Variants in PDE6B observed in about 807,000 individuals in gnomAD.
PDE6B encodes the protein rod cGMP-specific 3',5'-cyclic phosphodiesterase subunit beta.
PDE6B carries 106 observed loss-of-function variants against 109.0 expected under a neutral mutation model. The ratio of observed to expected loss-of-function variants is 0.97; its 90% CI spans 0.83 to 1.14. PDE6B has a LOEUF of 1.14. PDE6B is among the 50% of genes most tolerant of loss of function. The pLI is 0.00. For missense variants in PDE6B, 1,193 were observed against 1,155.6 expected (o/e 1.03, Z -0.47); for synonymous variants, 490 against 471.3 (o/e 1.04, Z -0.51).
intron 1 of PDE6B, among the ~76,000 whole-genome samples, chr4:629,355 A>G (rs1391098319): frequency 6.6e-6 from 1 of 152,184 alleles, no homozygotes; most frequent in African/African-American, 2.4e-5. Context: ...GCTGGGATGG[A>G]CGATCCTGGT....
intron 3 of PDE6B, chr4:653,228 C>A (rs1379659187): frequency 9.9e-7 from 1 of 1,009,880 alleles, no homozygotes; most frequent in Non-Finnish European, 1.2e-6. Flanking sequence ...ACCCAGCGGC[C>A]GCCGCGAGTG....
chr4:645,564 G>T (rs1476954552), intron 3 of PDE6B, among the ~76,000 whole-genome samples: 2 of 151,840 alleles, frequency 1.3e-5, no homozygotes, highest in Non-Finnish European at 2.9e-5. Context: ...CAAAGTGCTG[G>T]GATTACAGGC....
At position 660,546 on chromosome 4, in the gene PDE6B, T is replaced by C. The variant is rs1553812554; in HGVS notation, c.1547T>C (p.Leu516Pro). 3 of 1,613,672 alleles carry C rather than the reference T, an allele frequency of 1.9e-6. No individual in the cohort carries two copies. Among genetic ancestry groups the C allele is most frequent in the Non-Finnish European group, 2.5e-6 (3 of 1,179,774 alleles). ...FSDLECTELDLVKCGIQMYYE... is the reference protein window; with the variant it reads ...FSDLECTELDPVKCGIQMYYE... ...GACCTGGAGTGCACCGAACTGGACC[T>C]GGTCAAATGTGGCATCCAGATGTAC... The change falls in exon 12 of 22, where the codon CTG becomes CCG. Residue 516 changes from leucine to proline, a missense_variant. Transcript: ENST00000496514.
intron 1 of PDE6B, among the ~76,000 whole-genome samples, chr4:627,297 C>G (rs1734158907): frequency 6.6e-6 from 1 of 152,148 alleles, no homozygotes; most frequent in Admixed American, 6.5e-5. Flanking sequence ...AGGTGCCCGC[C>G]ACCACACCCG....
rs868238932 is a variant in PDE6B, at chr4:626,299, C to G, written c.468+205C>G. Among the ~76,000 whole-genome samples the G allele has an allele frequency of 6.6e-6, 1 of 152,248 alleles. No homozygotes were observed. The highest frequency in any genetic ancestry group is 2.1e-4 in the South Asian group (1 of 4,832). On this transcript the variant is annotated intron_variant, in intron 1 of 21. Transcript: ENST00000496514. The surrounding 1 kb of genome is among the most constrained non-coding windows in gnomAD (Gnocchi z 4.6). ...TGCCTCTCCGACTCGGCTTCTGGCTCAAGCTGACATCGCATGGCCACTGAG... is the reference window on the plus strand; with the variant it reads ...TGCCTCTCCGACTCGGCTTCTGGCTGAAGCTGACATCGCATGGCCACTGAG...
intron 8 of PDE6B, 92 bp downstream of exon 8, chr4:656,384 T>C: frequency 1.1e-6 from 1 of 909,898 alleles, no homozygotes; most frequent in Non-Finnish European, 1.8e-6. Context: ...TTTTGCCACT[T>C]AAAAAACAAC....
At chr4:643,136 C>G in intron 3 of PDE6B, among the ~76,000 whole-genome samples, 1 of 152,016 alleles carries the variant, frequency 6.6e-6, no homozygotes, top group South Asian at 2.1e-4. Context: ...GGTGAAACCC[C>G]GTCTCTACTA....
In PDE6B at chr4:666,441, A is replaced by C. The variant is rs547039187; in HGVS notation, c.2269-90A>C. Reference sequence around the variant, plus strand: ...CGTCCCAGGCTGTGTCTCCATGAGCACATCTGAGTGAGGGGGTCGGGGGGC... The same window carrying C: ...CGTCCCAGGCTGTGTCTCCATGAGCCCATCTGAGTGAGGGGGTCGGGGGGC... On this transcript the variant is annotated intron_variant, in intron 19 of 21. Coordinates refer to ENST00000496514, the MANE Select transcript of PDE6B (RefSeq NM_000283.4). The surrounding 1 kb of genome is among the most constrained non-coding windows in gnomAD (Gnocchi z 5.6). 7.3e-4 allele frequency: 610 copies of C among 832,656 alleles called. 3 individuals are homozygous for C. In the African/African-American group the frequency reaches 9.3e-3, roughly 13 times the overall value. The allele number at this position is 832,656 out of a possible 1,614,324, so 51.6% of individuals were successfully genotyped here. A position where few individuals can be genotyped will look rare whatever the true frequency, so the allele number is the denominator to read the frequency against.
rs774213532 is a variant in PDE6B, at chr4:670,147, C to T, written c.*40C>T. 2 of 1,611,426 alleles carry T rather than the reference C, an allele frequency of 1.2e-6. No individual in the cohort carries two copies. The highest frequency in any genetic ancestry group is 1.7e-6 in the Non-Finnish European group (2 of 1,178,320). ...GGGACCCTATGGCTCCCTCAATCTT[C>T]ACCCACTAGGATTTGGGTTCTGCCT... On this transcript the variant is annotated 3_prime_UTR_variant, in exon 22 of 22. Coordinates refer to ENST00000496514, the MANE Select transcript of PDE6B (RefSeq NM_000283.4).
chr4:651,358 C>T (rs1438653718), intron 3 of PDE6B, among the ~76,000 whole-genome samples: 1 of 152,028 alleles, frequency 6.6e-6, no homozygotes, highest in Admixed American at 6.5e-5. Context: ...GTTGGTGGGT[C>T]CTCAGGGGGG....
chr4:647,897 A>AC (rs567131862), intron 3 of PDE6B, among the ~76,000 whole-genome samples: 23 of 151,960 alleles, frequency 1.5e-4, no homozygotes, highest in African/African-American at 4.4e-4. Flanking sequence ...AAATGGTGAA[A>AC]CCCCATCTCT....
Position 667,895 on chromosome 4 carries a change from G to A in PDE6B, c.2392G>A (p.Asp798Asn), listed in dbSNP as rs746471576. The A allele has an allele frequency of 1.2e-5, 19 of 1,613,346 alleles. No individual in the cohort carries two copies. The highest frequency in any genetic ancestry group is 1.6e-4 in the Middle Eastern group (1 of 6,078). Reference sequence around the variant, plus strand: ...CCACGAAGAGATCCTGCCCATGTTCGACCGACTGCAGAACAATAGGAAAGA... The same window carrying A: ...CCACGAAGAGATCCTGCCCATGTTCAACCGACTGCAGAACAATAGGAAAGA... ...RFHEEILPMF[D>N]RLQNNRKEWK... The change falls in exon 21 of 22, where the codon GAC becomes AAC. Residue 798 changes from aspartate to asparagine, a missense_variant. Asp to Asn is a conservative substitution (Grantham distance 23). Transcript: ENST00000496514.
At position 662,413 on chromosome 4, in the gene PDE6B, C is replaced by T. The variant is rs927461211; in HGVS notation, c.1723-96C>T. 3.9e-5 allele frequency: 36 copies of T among 930,514 alleles called. No homozygotes were observed. In the African/African-American group the frequency reaches 5.0e-4, roughly 13 times the overall value. The allele number at this position is 930,514 out of a possible 1,614,324, so 57.6% of individuals were successfully genotyped here. ...CCCAGCCCTGCGGTGGTCGGAGGTC[C>T]AACCTCCAACCCGACGCCTAGGTCA... On this transcript the variant is annotated intron_variant, in intron 13 of 21. Transcript: ENST00000496514. The surrounding 1 kb of genome is among the most constrained non-coding windows in gnomAD (Gnocchi z 4.3).
In PDE6B at chr4:656,926, C is replaced by G. The variant is rs1392709495; in HGVS notation, c.1160C>G (p.Pro387Arg). Reference sequence around the variant, plus strand: ...CTCATCAAGAATGTGCTGTCCATGCCCATCGTCAACAAGAAGGAGGAGATT... The same window carrying G: ...CTCATCAAGAATGTGCTGTCCATGCGCATCGTCAACAAGAAGGAGGAGATT... ...GWLIKNVLSM[P>R]IVNKKEEIVG... Residue 387 changes from proline (P) to arginine (R), a missense_variant, in exon 9 of 22, where the codon CCC (proline) becomes CGC (arginine). Pro to Arg is a moderately radical substitution (Grantham distance 103, BLOSUM62 -2). Coordinates refer to ENST00000496514, the MANE Select transcript of PDE6B (RefSeq NM_000283.4). The G allele has an allele frequency of 1.2e-6, 2 of 1,612,900 alleles. No individual in the cohort carries two copies. The highest frequency in any genetic ancestry group is 1.1e-5 in the South Asian group (1 of 91,090).
rs781221527 is a variant in PDE6B at position 663,893 on chromosome 4, C to A, written c.2021+23C>A. 2 of 1,564,122 alleles carry A rather than the reference C, an allele frequency of 1.3e-6. No homozygotes were observed. Among genetic ancestry groups the A allele is most frequent in the Non-Finnish European group, 1.7e-6 (2 of 1,143,590 alleles). On this transcript the variant is annotated intron_variant, in intron 16 of 21. Transcript: ENST00000496514. This position sits in a 1 kb window ranked among gnomAD's most constrained non-coding sequence, Gnocchi z 4.0. ...CAAGTGCGCGCCTTCCGGGAGGGGG[C>A]GCCTCGCGGGGCGGGCGGGTAGCCT...
intron 21 of PDE6B, among the ~76,000 whole-genome samples, chr4:668,643 C>T (rs1029769382): frequency 7.4e-6 from 1 of 135,032 alleles, no homozygotes; most frequent in Non-Finnish European, 1.6e-5. Flanking sequence ...CCCGCTACCC[C>T]ATGCTGCTCC....
Position 633,957 on chromosome 4 carries a change from G to C in PDE6B, c.469-720G>C, listed in dbSNP as rs997304782. 6.6e-6 allele frequency among the ~76,000 whole-genome samples: 1 copy of C among 152,000 alleles called. No homozygotes were observed. Among genetic ancestry groups the C allele is most frequent in the Non-Finnish European group, 1.5e-5 (1 of 67,962 alleles). Reference sequence around the variant, plus strand: ...AGGGGCCGGAACCTAAGAGCCAAGAGAGGAGGGGCTGCTCTAAATCTGGTG... The same window carrying C: ...AGGGGCCGGAACCTAAGAGCCAAGACAGGAGGGGCTGCTCTAAATCTGGTG... On this transcript the variant is annotated intron_variant, in intron 1 of 21. Transcript: ENST00000496514. This position sits in a 1 kb window ranked among gnomAD's most constrained non-coding sequence, Gnocchi z 4.5.
intron 11 of PDE6B, among the ~76,000 whole-genome samples, chr4:659,541 C>CTGTG (rs139464207): frequency 0.074 from 11,168 of 150,452 alleles, 813 homozygotes; most frequent in African/African-American, 0.19. Flanking sequence ...ACGTGGGCGT[C>CTGTG]TGCACAGGTG....
At chr4:628,567 G>A (rs1262949233) in intron 1 of PDE6B, among the ~76,000 whole-genome samples, 1 of 152,252 alleles carries the variant, frequency 6.6e-6, no homozygotes, top group African/African-American at 2.4e-5. Flanking sequence ...AGCGGGCCCT[G>A]AGTCTGCAGG....
Sources: allele counts gnomAD v4.1 joint callset (sites outside exome capture counted in the v4.1 genomes callset), GRCh38; gene constraint gnomAD v4.1.1; non-coding constraint Gnocchi (gnomAD v3.1); transcripts MANE v1.5; gene names NCBI Gene and HGNC (gene_info 2026-07-23, HGNC 2026-07-21).